ATG10: variants seen among roughly 807,000 people sequenced by gnomAD.
ATG10 encodes autophagy related 10, also known as ubiquitin-like-conjugating enzyme ATG10.
A neutral mutation model predicts 32.1 loss-of-function variants in ATG10; 30 were observed. The observed-to-expected ratio is 0.94, with a 90% CI of 0.70 to 1.27. The LOEUF (loss-of-function observed/expected upper bound fraction) is 1.27. Among genes scored for constraint, ATG10 ranks in the 50% most tolerant of loss-of-function variants. ATG10 has a pLI of 0.00. For missense variants in ATG10, 233 were observed against 262.3 expected (o/e 0.89, Z 0.77); for synonymous variants, 87 against 91.5 (o/e 0.95, Z 0.28).
At chr5:82,110,247 C>T (rs1765575167) in intron 3 of ATG10, among the ~76,000 whole-genome samples, 1 of 152,098 alleles carries the variant, frequency 6.6e-6, no homozygotes, top group Non-Finnish European at 1.5e-5. Flanking sequence ...GTGAGTAGTG[C>T]CACAATAAAC....
At chr5:82,068,831 A>G (rs903417875) in intron 3 of ATG10, among the ~76,000 whole-genome samples, 1 of 150,350 alleles carries the variant, frequency 6.7e-6, no homozygotes, top group Non-Finnish European at 1.5e-5. Context: ...TTTTTCATGA[A>G]GAATTTCTGA....
At chr5:82,197,027 C>T (rs572412526) in intron 5 of ATG10, among the ~76,000 whole-genome samples, 4 of 152,260 alleles carry the variant, frequency 2.6e-5, no homozygotes, top group South Asian at 2.1e-4. Flanking sequence ...TTCATCAATA[C>T]GGAATGTCTT....
chr5:82,058,367 A>G (rs1483138813), intron 2 of ATG10, 128 bp from the exon 3 acceptor site: 6 of 658,718 alleles, frequency 9.1e-6, no homozygotes, highest in East Asian at 7.8e-5. Context: ...CTCTTTATCC[A>G]TATAGTCTCA....
At chr5:82,113,209 C>T (rs999356195) in intron 3 of ATG10, among the ~76,000 whole-genome samples, 1 of 151,746 alleles carries the variant, frequency 6.6e-6, no homozygotes, top group African/African-American at 2.4e-5. Context: ...ACGTTTAGCA[C>T]CAGATTTATG....
At chr5:82,096,270 T>G (rs1171353669) in intron 3 of ATG10, among the ~76,000 whole-genome samples, 4 of 152,236 alleles carry the variant, frequency 2.6e-5, no homozygotes, top group African/African-American at 9.6e-5. Flanking sequence ...TCAGATGATT[T>G]GGGTTTAAAA....
At chr5:82,094,051 G>A (rs1764975329) in intron 3 of ATG10, among the ~76,000 whole-genome samples, 1 of 152,094 alleles carries the variant, frequency 6.6e-6, no homozygotes, top group East Asian at 1.9e-4. Flanking sequence ...GTACTTAGCT[G>A]AAGATTTGAG....
At chr5:82,163,290 A>T (rs1210279182) in intron 3 of ATG10, among the ~76,000 whole-genome samples, 1 of 152,054 alleles carries the variant, frequency 6.6e-6, no homozygotes, top group Admixed American at 6.6e-5. Context: ...TGTTTACTGG[A>T]GTTTAGTGAA....
intron 2 of ATG10, among the ~76,000 whole-genome samples, chr5:82,004,833 C>T (rs767306943): frequency 2.0e-4 from 30 of 151,994 alleles, no homozygotes; most frequent in African/African-American, 6.3e-4. Context: ...CTTGTTGACC[C>T]GTAACAAAGA....
intron 2 of ATG10, among the ~76,000 whole-genome samples, chr5:81,990,065 A>G (rs895716307): frequency 2.6e-5 from 4 of 152,196 alleles, no homozygotes; most frequent in South Asian, 2.1e-4. Context: ...TCTGCAAACT[A>G]AGAGGTTTAT....
intron 2 of ATG10, among the ~76,000 whole-genome samples, chr5:81,990,487 A>G (rs80341033): frequency 0.013 from 2,040 of 152,258 alleles, 53 homozygotes; most frequent in African/African-American, 0.047. Flanking sequence ...TGGTGCTGAG[A>G]AGGATCTTTA....
intron 2 of ATG10, among the ~76,000 whole-genome samples, chr5:81,993,360 C>CTTTCTTTCTTTCTTTCCTTCT: frequency 2.1e-4 from 10 of 46,796 alleles, no homozygotes; most frequent in Non-Finnish European, 3.2e-4. Flanking sequence ...TCTTTCTTTC[C>CTTTCTTTCTTTCTTTCCTTCT]TTCTTTTCTT....
chr5:82,250,647 G>A (rs182893784), intron 5 of ATG10, among the ~76,000 whole-genome samples: 1 of 152,166 alleles, frequency 6.6e-6, no homozygotes, highest in Admixed American at 6.5e-5. Context: ...TTACCCTGTT[G>A]TGTTTCCTTT....
intron 3 of ATG10, among the ~76,000 whole-genome samples, chr5:82,072,251 G>T (rs760066832): frequency 6.6e-6 from 1 of 152,108 alleles, no homozygotes; most frequent in Non-Finnish European, 1.5e-5. Flanking sequence ...TGTATTCTTT[G>T]TGCTAGTCTC....
chr5:82,081,353 T>C (rs569505516), intron 3 of ATG10, among the ~76,000 whole-genome samples: 7 of 152,320 alleles, frequency 4.6e-5, no homozygotes, highest in Non-Finnish European at 8.8e-5. Context: ...CCTTTATTTC[T>C]TTCTCTTGCC....
chr5:82,058,098 G>A (rs1209171029), intron 2 of ATG10, among the ~76,000 whole-genome samples: 1 of 152,114 alleles, frequency 6.6e-6, no homozygotes, highest in Non-Finnish European at 1.5e-5. Context: ...TGAAATGGAA[G>A]CTTTCTTGCA....
intron 3 of ATG10, among the ~76,000 whole-genome samples, chr5:82,111,620 A>T (rs780025871): frequency 2.0e-5 from 3 of 151,964 alleles, no homozygotes; most frequent in Non-Finnish European, 4.4e-5. Context: ...AATTAAATTG[A>T]AGCCTTATTT....
chr5:82,216,586 A>G (rs1745688411), intron 5 of ATG10, among the ~76,000 whole-genome samples: 2 of 152,230 alleles, frequency 1.3e-5, no homozygotes, highest in African/African-American at 4.8e-5. Flanking sequence ...TATGAATAGA[A>G]TGGGAGATCA....
intron 5 of ATG10, among the ~76,000 whole-genome samples, chr5:82,231,960 T>A (rs1461751042): frequency 6.6e-6 from 1 of 152,238 alleles, no homozygotes; most frequent in African/African-American, 2.4e-5. Flanking sequence ...AAAATAATAT[T>A]TGGCACCATT....
intron 5 of ATG10, among the ~76,000 whole-genome samples, chr5:82,226,857 A>G (rs564945614): frequency 6.6e-6 from 1 of 152,300 alleles, no homozygotes; most frequent in East Asian, 1.9e-4. Context: ...TTACTATCCT[A>G]TTACACTTTA....
Sources: gnomAD v4.1 joint callset for allele counts (sites outside exome capture counted in the v4.1 genomes callset) on GRCh38, gnomAD v4.1.1 for gene constraint, MANE v1.5 for transcripts, NCBI Gene and HGNC (gene_info 2026-07-23, HGNC 2026-07-21) for gene names.